The following MEIS2 variants were observed in gnomAD, a reference collection of about 807,000 sequenced individuals.
The protein encoded by MEIS2 is Meis homeobox 2, also known as homeobox protein Meis2.
Under a neutral mutation model 58.6 loss-of-function variants are expected in MEIS2, and 9 were observed. The ratio of observed to expected loss-of-function variants is 0.15; its 90% CI spans 0.09 to 0.27. MEIS2 has a LOEUF of 0.27. Ranked by LOEUF, MEIS2 falls within the 10% of genes least tolerant of loss-of-function variation. MEIS2 has a pLI of 1.00. For missense variants in MEIS2, 427 were observed against 635.0 expected, an observed-to-expected ratio of 0.67 and a Z score of 3.52; for synonymous variants, 221 against 228.4, an observed-to-expected ratio of 0.97 and a Z score of 0.29.
At chr15:37,095,904 T>C (rs1709730830) in intron 3 of MEIS2, 1 of 503,846 alleles carries the variant, frequency 2.0e-6, no homozygotes, top group East Asian at 3.5e-5. Context: ...GCTGTGGCTC[T>C]CCACTGCTGC....
intron 7 of MEIS2, among the ~76,000 whole-genome samples, chr15:37,071,910 T>A (rs1323524218): frequency 2.0e-5 from 3 of 152,112 alleles, no homozygotes; most frequent in African/African-American, 7.2e-5. Context: ...TTCTTCCTCC[T>A]CTTCTCTACT....
In MEIS2 at chr15:37,098,196, C is replaced by G. The variant is rs778738819; in HGVS notation, c.16G>C (p.Asp6His). The change falls in exon 2 of 12, where the codon GAT becomes CAT. Residue 6 changes from aspartate to histidine, a missense_variant. Physicochemically the swap from Asp to His is moderately conservative, Grantham distance 81 (BLOSUM62 -1). Around this residue, in one of 6 missense-constraint regions of MEIS2, gnomAD observed 103 missense variants for 111.8 expected, o/e 0.92. Coordinates refer to ENST00000561208, the MANE Select transcript of MEIS2 (RefSeq NM_170675.5). ...ATCCCGCCGTAATGGGGCAGCTCAT[C>G]GTACTGTCAGAACCCGGGAAGGGGG... is the stretch of plus-strand genomic sequence containing the variant. MAQRY[D>H]ELPHYGGMDG... 4 of 1,595,894 alleles carry G rather than the reference C, an allele frequency of 2.5e-6. No individual in the cohort carries two copies. Among genetic ancestry groups the G allele is most frequent in the Admixed American group, 1.7e-5 (1 of 59,034 alleles).
intron 10 of MEIS2, 168 bp from the exon 11 acceptor site, chr15:36,895,429 T>C (rs1484321929): frequency 1.7e-6 from 1 of 594,380 alleles, no homozygotes; most frequent in African/African-American, 1.9e-5. Context: ...TGAAGGTGTG[T>C]GAGTAGCTTT....
chr15:36,971,164 TA>T (rs1250018609), intron 8 of MEIS2, among the ~76,000 whole-genome samples: 1 of 152,000 alleles, frequency 6.6e-6, no homozygotes, highest in Non-Finnish European at 1.5e-5. Context: ...GAAAAAGGAA[TA>T]ATCAGAACAT....
intron 8 of MEIS2, among the ~76,000 whole-genome samples, chr15:36,977,926 A>G (rs558535796): frequency 1.3e-5 from 2 of 152,304 alleles, no homozygotes; most frequent in Admixed American, 1.3e-4. Flanking sequence ...CTGAGCAACT[A>G]CTATACACAA....
At chr15:37,059,452 A>G (rs1044676495) in intron 7 of MEIS2, among the ~76,000 whole-genome samples, 1 of 152,228 alleles carries the variant, frequency 6.6e-6, no homozygotes, top group African/African-American at 2.4e-5. Context: ...CCTAGTACTA[A>G]GCAATAGAAG....
intron 9 of MEIS2, among the ~76,000 whole-genome samples, chr15:36,944,065 C>T (rs184085921): frequency 3.0e-4 from 45 of 152,078 alleles, no homozygotes; most frequent in Admixed American, 1.1e-3. Flanking sequence ...ATCCAGTGTT[C>T]GGCTCAGTGT....
chr15:36,982,879 T>C (rs2059973839), intron 8 of MEIS2, among the ~76,000 whole-genome samples: 1 of 152,202 alleles, frequency 6.6e-6, no homozygotes. Context: ...GTGGTTTTGA[T>C]TTACATTTGC....
chr15:36,920,316 G>C (rs1347668466), intron 9 of MEIS2, among the ~76,000 whole-genome samples: 1 of 151,910 alleles, frequency 6.6e-6, no homozygotes, highest in East Asian at 1.9e-4. Context: ...CGCCCGGCTA[G>C]TTTTGTATTT....
At chr15:37,062,811 C>A (rs930899101) in intron 7 of MEIS2, among the ~76,000 whole-genome samples, 1 of 152,146 alleles carries the variant, frequency 6.6e-6, no homozygotes, top group African/African-American at 2.4e-5. Flanking sequence ...AATTGGAAAC[C>A]AGTGATTTCT....
chr15:36,996,018 T>C (rs1254211800), intron 8 of MEIS2, among the ~76,000 whole-genome samples: 2 of 78,302 alleles, frequency 2.6e-5, no homozygotes, highest in Non-Finnish European at 2.9e-5. Context: ...TATATATACA[T>C]ATGTGTATAT....
At chr15:37,002,598 A>G (rs2060772074) in intron 8 of MEIS2, among the ~76,000 whole-genome samples, 1 of 152,062 alleles carries the variant, frequency 6.6e-6, no homozygotes, top group African/African-American at 2.4e-5. Flanking sequence ...CGGTCAGGCA[A>G]CATTTTGGTT....
rs2060432180 is a variant in MEIS2 at position 36,995,182 on chromosome 15, AG to A, written c.900+41631del. Among the ~76,000 whole-genome samples, 20 of 152,338 alleles carry A rather than the reference AG, an allele frequency of 1.3e-4. 1 individual carries two copies. The South Asian group carries it at 3.7e-3, about 28-fold the overall frequency. ...GTTCTCCTCCCTGATATATGGCTGAAGGGAAATGGTCAATACTGCAAATGTC... is the reference window on the plus strand; with the variant it reads ...GTTCTCCTCCCTGATATATGGCTGAAGGAAATGGTCAATACTGCAAATGTC... On this transcript the variant is annotated intron_variant, in intron 8 of 11. Coordinates refer to ENST00000561208, the MANE Select transcript of MEIS2 (RefSeq NM_170675.5).
chr15:36,994,474 C>A (rs2060405833), intron 8 of MEIS2, among the ~76,000 whole-genome samples: 1 of 152,154 alleles, frequency 6.6e-6, no homozygotes, highest in Non-Finnish European at 1.5e-5. Flanking sequence ...TCTAATCACT[C>A]CTGAATCCGT....
chr15:36,899,749 A>T (rs2056373858), intron 9 of MEIS2, among the ~76,000 whole-genome samples: 1 of 152,228 alleles, frequency 6.6e-6, no homozygotes, highest in South Asian at 2.1e-4. Context: ...TGTCTTAAAA[A>T]GACTCAAAAG....
chr15:36,982,210 T>C (rs149036384), intron 8 of MEIS2, among the ~76,000 whole-genome samples: 308 of 152,302 alleles, frequency 2.0e-3, no homozygotes, highest in Non-Finnish European at 3.2e-3. Context: ...CATACTCTCT[T>C]AGTGAATTTC....
intron 9 of MEIS2, among the ~76,000 whole-genome samples, chr15:36,934,240 AGAG>A (rs2058083291): frequency 6.6e-6 from 1 of 152,082 alleles, no homozygotes; most frequent in Non-Finnish European, 1.5e-5. Context: ...ATTGAAAAGG[AGAG>A]GAGAACATAT....
chr15:37,012,251 A>T (rs1343481679), intron 8 of MEIS2, among the ~76,000 whole-genome samples: 2 of 152,246 alleles, frequency 1.3e-5, no homozygotes, highest in African/African-American at 2.4e-5. Context: ...TATAGCAGCA[A>T]GATTTTATAG....
chr15:36,932,171 C>T (rs2058006974), intron 9 of MEIS2, among the ~76,000 whole-genome samples: 1 of 152,142 alleles, frequency 6.6e-6, no homozygotes, highest in East Asian at 1.9e-4. Context: ...TCGCTAATGA[C>T]TGAAATAGCA....
Sources: allele counts gnomAD v4.1 joint callset (sites outside exome capture counted in the v4.1 genomes callset), GRCh38; gene constraint gnomAD v4.1.1; regional missense constraint gnomAD v4.1.1; transcripts MANE v1.5; gene names NCBI Gene and HGNC (gene_info 2026-07-23, HGNC 2026-07-21).